Variants in SPTA1 observed in about 807,000 individuals in gnomAD.
The protein encoded by SPTA1 is spectrin alpha chain, erythrocytic 1.
SPTA1 carries 177 observed loss-of-function variants against 324.7 expected under a neutral mutation model. The ratio of observed to expected loss-of-function variants is 0.55; its 90% CI spans 0.48 to 0.62. SPTA1 has a LOEUF of 0.62. Ranked by LOEUF, SPTA1 falls within the 20% of genes least tolerant of loss-of-function variation. The pLI is 0.00. For synonymous variants in SPTA1, 1,195 were observed against 1,041.3 expected (o/e 1.15, Z -2.84); for missense variants, 3,162 against 2,883.6 (o/e 1.10, Z -2.21).
At chr1:158,653,874 A>G (rs1652639619) in intron 21 of SPTA1, among the ~76,000 whole-genome samples, 1 of 152,186 alleles carries the variant, frequency 6.6e-6, no homozygotes, top group Non-Finnish European at 1.5e-5. Context: ...CCTGAGTGTT[A>G]CTTTATTTTT....
chr1:158,673,049 G>A (rs887448401), intron 10 of SPTA1, among the ~76,000 whole-genome samples: 8 of 152,304 alleles, frequency 5.3e-5, no homozygotes, highest in African/African-American at 1.9e-4. Flanking sequence ...TGGAACTCGG[G>A]AGGCAGAGGC....
rs121918636 is a variant in SPTA1, at chr1:158,678,432, A to G, written c.781T>C (p.Ser261Pro). 8 of 1,613,780 alleles carry G rather than the reference A, an allele frequency of 5.0e-6. No homozygotes were observed. In the African/African-American group the frequency reaches 9.3e-5, roughly 19 times the overall value. The change falls in exon 6 of 52, where the codon TCC (serine) becomes CCC (proline). Residue 261 changes from serine (S) to proline (P), a missense_variant. Coordinates refer to ENST00000643759, the MANE Select transcript of SPTA1 (RefSeq NM_003126.4). Reference sequence around the variant, plus strand: ...AATCGTTGTAAGTTTGCAGCATTGGACAGAGCTTTCTGTCTCTGGAGAGCC... The same window carrying G: ...AATCGTTGTAAGTTTGCAGCATTGGGCAGAGCTTTCTGTCTCTGGAGAGCC... ...GLALQRQKAL[S>P]NAANLQRFKR...
chr1:158,623,269 T>A, intron 42 of SPTA1, 77 bp from the exon 43 acceptor site: 2 of 1,184,354 alleles, frequency 1.7e-6, no homozygotes, highest in Non-Finnish European at 2.5e-6. Context: ...CACCAGATTT[T>A]AATCATAGAT....
chr1:158,615,165 C>T (rs1159764727), intron 48 of SPTA1, 51 bp downstream of exon 48: 1 of 1,607,280 alleles, frequency 6.2e-7, no homozygotes, highest in Non-Finnish European at 8.5e-7. Flanking sequence ...AAGGTCCTAA[C>T]ACCTAACACC....
chr1:158,648,243 CT>C (rs1652144070), intron 26 of SPTA1, among the ~76,000 whole-genome samples: 1 of 152,158 alleles, frequency 6.6e-6, no homozygotes, highest in African/African-American at 2.4e-5. Flanking sequence ...GATCTGGTCA[CT>C]TGTAACCCAC....
In SPTA1 at chr1:158,613,744, G is replaced by T; in HGVS notation, c.6966C>A (p.Phe2322Leu). 6.2e-7 allele frequency: 1 copy of T among 1,613,754 alleles called. No individual in the cohort carries two copies. The highest frequency in any genetic ancestry group is 8.5e-7 in the Non-Finnish European group (1 of 1,179,786). ...EDEHEPKFEK[F>L]LDAVDPGRKG... ...ACCTCCCTGGATCCACAGCATCCAG[G>T]AACTTCTCAAACTTGGGCTCATGTT... Residue 2322 changes from phenylalanine to leucine, a missense_variant, in exon 50 of 52, where the codon TTC becomes TTA. Phe to Leu is a conservative substitution (Grantham distance 22). Coordinates refer to ENST00000643759, the MANE Select transcript of SPTA1 (RefSeq NM_003126.4).
intron 21 of SPTA1, among the ~76,000 whole-genome samples, chr1:158,654,305 A>C (rs766192358): frequency 2.6e-5 from 4 of 152,204 alleles, no homozygotes; most frequent in African/African-American, 4.8e-5. Context: ...GAAGAAAGAA[A>C]GAGACAGCTT....
At chr1:158,670,013 A>T (rs763355769) in intron 12 of SPTA1, among the ~76,000 whole-genome samples, 55 of 152,344 alleles carry the variant, frequency 3.6e-4, no homozygotes, top group Non-Finnish European at 7.5e-4. Flanking sequence ...TTTTAAATAC[A>T]GGTTACAGTA....
rs200641483 is a variant in SPTA1 at position 158,676,224 on chromosome 1, C to T, written c.1029G>A (p.Glu343=). Residue 343 remains glutamate, a synonymous_variant, in exon 8 of 52, where the codon GAG becomes GAA. Coordinates refer to ENST00000643759, the MANE Select transcript of SPTA1 (RefSeq NM_003126.4). ...AGCTGGAGACCAGATCTTCTTTCATCTCCTGGATCTGAGGTGCATCTGAAG... is the reference window on the plus strand; with the variant it reads ...AGCTGGAGACCAGATCTTCTTTCATTTCCTGGATCTGAGGTGCATCTGAAG... ...SHPSDAPQIQ[E]MKEDLVSSWE... 12 of 1,613,714 alleles carry T rather than the reference C, an allele frequency of 7.4e-6. No homozygotes were observed. Among genetic ancestry groups the T allele is most frequent in the Non-Finnish European group, 1.0e-5 (12 of 1,179,740 alleles).
intron 45 of SPTA1, 80 bp from the exon 46 acceptor site, chr1:158,618,136 C>T (rs1649691734): frequency 5.8e-6 from 8 of 1,370,020 alleles, no homozygotes; most frequent in Non-Finnish European, 8.3e-6. Flanking sequence ...TTAAAGATCT[C>T]ATTTCCTCAG....
Position 158,681,603 on chromosome 1 carries a change from T to C in SPTA1, c.455A>G (p.Asp152Gly), listed in dbSNP as rs1654815621. 6.2e-7 allele frequency: 1 copy of C among 1,613,654 alleles called. No homozygotes were observed. The highest frequency in any genetic ancestry group is 8.5e-7 in the Non-Finnish European group (1 of 1,179,816). ...LLLELTLEKG[D>G]QLLRALKFQQ... ...GAACTTCAGGGCCCGCAGCAACTGG[T>C]CACCCTTCTCCAGGGTCAGCTCTAA... Residue 152 changes from aspartate (D) to glycine (G), a missense_variant, in exon 4 of 52, where the codon GAC becomes GGC. Transcript: ENST00000643759.
At chr1:158,674,504 GC>G in intron 9 of SPTA1, 35 bp downstream of exon 9, 2 of 1,614,014 alleles carry the variant, frequency 1.2e-6, no homozygotes, top group South Asian at 2.2e-5. Flanking sequence ...CAAATAACCT[GC>G]CCCCTCCTCC....
intron 26 of SPTA1, 31 bp downstream of exon 26, chr1:158,648,478 T>C: frequency 6.2e-7 from 1 of 1,613,346 alleles, no homozygotes; most frequent in Non-Finnish European, 8.5e-7. Context: ...GACTGGAAAG[T>C]GTTGGAAAAG....
In SPTA1 at chr1:158,627,297, T is replaced by G. The variant is rs549132158; in HGVS notation, c.5665-290A>C. ...TCCTCTTAGAGGCTTAGAAAGCAAT[T>G]TCTTCAAATTCTTATAATATTCTAT... is the stretch of plus-strand genomic sequence containing the variant. On this transcript the variant is annotated intron_variant, in intron 40 of 51. Transcript: ENST00000643759. Among the ~76,000 whole-genome samples the G allele has an allele frequency of 3.8e-4, 58 of 152,320 alleles. No homozygotes were observed. In the Middle Eastern group the frequency reaches 0.014, roughly 36 times the overall value.
At chr1:158,611,991 T>C (rs1169941425) in intron 51 of SPTA1, 1 of 156,006 alleles carries the variant, frequency 6.4e-6, no homozygotes, top group Admixed American at 6.3e-5. Context: ...CGAGGTATGA[T>C]TGATAAAGAA....
In SPTA1 at chr1:158,622,922, G is replaced by T; in HGVS notation, c.6120+61C>A. Reference sequence around the variant, plus strand: ...AACTGAGTTTCCAATATCTGTTTCCGAATTTCATGGCTAATATACAGGTAA... The same window carrying T: ...AACTGAGTTTCCAATATCTGTTTCCTAATTTCATGGCTAATATACAGGTAA... On this transcript the variant is annotated intron_variant, in intron 43 of 51. Transcript: ENST00000643759. 4 of 1,431,752 alleles carry T rather than the reference G, an allele frequency of 2.8e-6. No homozygotes were observed. In the South Asian group the frequency reaches 3.5e-5, roughly 12 times the overall value. The allele number at this position is 1,431,752 out of a possible 1,614,324, so 88.7% of individuals were successfully genotyped here.
chr1:158,618,834 C>T (rs1649732246), intron 45 of SPTA1, among the ~76,000 whole-genome samples: 1 of 152,096 alleles, frequency 6.6e-6, no homozygotes. Flanking sequence ...ATAAGAGCTG[C>T]TCTGTATGCT....
rs1377977061 is a variant in SPTA1 at position 158,654,688 on chromosome 1, C to G, written c.2959G>C (p.Asp987His). The change falls in exon 21 of 52, where the codon GAC becomes CAC. Residue 987 changes from aspartate to histidine, a missense_variant. Physicochemically the swap from Asp to His is moderately conservative, Grantham distance 81 (BLOSUM62 -1). Coordinates refer to ENST00000643759, the MANE Select transcript of SPTA1 (RefSeq NM_003126.4). ...TCTCGGGGGCTGCGGGCCTGGAAGT[C>G]ATATAAAGCCATGACCCTTTGTTCT... ...AGEQRVMALY[D>H]FQARSPREVT... The G allele has an allele frequency of 6.2e-7, 1 of 1,613,782 alleles. No individual in the cohort carries two copies. The highest frequency in any genetic ancestry group is 1.7e-5 in the Admixed American group (1 of 59,968).
At chr1:158,656,438 A>C (rs1156980228) in intron 20 of SPTA1, 126 bp downstream of exon 20, 1 of 867,164 alleles carries the variant, frequency 1.2e-6, no homozygotes. Context: ...TACAAGGGTC[A>C]TAGAACTTAG....
Sources: gnomAD v4.1 joint callset for allele counts (sites outside exome capture counted in the v4.1 genomes callset) on GRCh38, gnomAD v4.1.1 for gene constraint, MANE v1.5 for transcripts, NCBI Gene and HGNC (gene_info 2026-07-23, HGNC 2026-07-21) for gene names.